Variants in MYRIP observed in about 807,000 individuals in gnomAD.
MYRIP encodes the protein myosin VIIA and Rab interacting protein.
MYRIP carries 49 observed loss-of-function variants against 98.0 expected under a neutral mutation model. The ratio of observed to expected loss-of-function variants is 0.50; its 90% CI spans 0.40 to 0.63. The LOEUF is 0.63. MYRIP is among the 30% of genes least tolerant of loss of function. MYRIP has a pLI of 0.00. For synonymous variants in MYRIP, 404 were observed against 409.5 expected (o/e 0.99, Z 0.16); for missense variants, 1,004 against 1,058.2 (o/e 0.95, Z 0.71).
chr3:40,235,694 A>G (rs1345713546), intron 12 of MYRIP, among the ~76,000 whole-genome samples: 1 of 152,192 alleles, frequency 6.6e-6, no homozygotes, highest in African/African-American at 2.4e-5. Context: ...GCTTTTTCTG[A>G]GGACCCTGAC....
intron 2 of MYRIP, among the ~76,000 whole-genome samples, chr3:39,956,746 A>T (rs1205192792): frequency 5.3e-5 from 8 of 151,652 alleles, no homozygotes; most frequent in Non-Finnish European, 1.2e-4. Flanking sequence ...AGGAGCTTGT[A>T]TTTTGAAAAG....
At chr3:40,198,545 T>G (rs1157495619) in intron 10 of MYRIP, among the ~76,000 whole-genome samples, 1 of 152,210 alleles carries the variant, frequency 6.6e-6, no homozygotes, top group Non-Finnish European at 1.5e-5. Flanking sequence ...GGTTTTCATC[T>G]TTTTCTGTAT....
chr3:40,088,294 C>T (rs1357559579), intron 3 of MYRIP, among the ~76,000 whole-genome samples: 1 of 152,150 alleles, frequency 6.6e-6, no homozygotes, highest in African/African-American at 2.4e-5. Flanking sequence ...GGAACCTGCA[C>T]TCCTTATTTT....
At chr3:39,976,645 C>G (rs578019510) in intron 2 of MYRIP, among the ~76,000 whole-genome samples, 37 of 152,240 alleles carry the variant, frequency 2.4e-4, no homozygotes, top group African/African-American at 8.2e-4. Context: ...GGAACCAACC[C>G]AAATGTCCAA....
chr3:40,001,916 GAA>G (rs1301455962), intron 2 of MYRIP, among the ~76,000 whole-genome samples: 3 of 152,198 alleles, frequency 2.0e-5, no homozygotes, highest in Non-Finnish European at 4.4e-5. Flanking sequence ...GTGGGTGAGA[GAA>G]AGAGAGGAAT....
intron 2 of MYRIP, among the ~76,000 whole-genome samples, chr3:39,959,619 A>C (rs1188918420): frequency 6.6e-6 from 1 of 151,906 alleles, no homozygotes; most frequent in African/African-American, 2.4e-5. Flanking sequence ...ACATGTATAC[A>C]TATGTAACAA....
intron 8 of MYRIP, among the ~76,000 whole-genome samples, chr3:40,181,590 A>G (rs1048617713): frequency 1.3e-5 from 2 of 152,218 alleles, no homozygotes; most frequent in African/African-American, 4.8e-5. Flanking sequence ...ATTAAATGGC[A>G]AAGAAAAACT....
chr3:39,903,481 G>GTGTT (rs2125673413), intron 2 of MYRIP, among the ~76,000 whole-genome samples: 1 of 152,280 alleles, frequency 6.6e-6, no homozygotes, highest in East Asian at 1.9e-4. Flanking sequence ...AGCTTATCCA[G>GTGTT]TGTTTATAAT....
intron 2 of MYRIP, among the ~76,000 whole-genome samples, chr3:39,997,454 G>A (rs532246213): frequency 1.8e-4 from 27 of 152,112 alleles, no homozygotes; most frequent in Middle Eastern, 3.4e-3. Flanking sequence ...TAAATTCCTC[G>A]ACACATACAC....
intron 1 of MYRIP, among the ~76,000 whole-genome samples, chr3:39,884,338 G>A (rs1575341871): frequency 6.6e-6 from 1 of 152,092 alleles, no homozygotes; most frequent in South Asian, 2.1e-4. Flanking sequence ...AAACACAATT[G>A]TGATGGTTAA....
intron 2 of MYRIP, among the ~76,000 whole-genome samples, chr3:39,919,339 G>T (rs961650091): frequency 7.2e-5 from 11 of 152,182 alleles, no homozygotes; most frequent in Non-Finnish European, 1.3e-4. Context: ...AAGGTCCTAG[G>T]TCAGACTGCA....
At chr3:39,855,986 TG>T (rs1317508320) in intron 1 of MYRIP, among the ~76,000 whole-genome samples, 1 of 152,202 alleles carries the variant, frequency 6.6e-6, no homozygotes, top group Non-Finnish European at 1.5e-5. Context: ...AGCTGGAGAC[TG>T]GGAGTGTCTT....
intron 11 of MYRIP, among the ~76,000 whole-genome samples, chr3:40,212,152 ACGTGTATATATATATACATATATATACG>A: frequency 1.1e-4 from 1 of 9,072 alleles, no homozygotes; most frequent in African/African-American, 2.4e-4. Context: ...ACATATATAT[ACGTGTATATATATATACATATATATACG>A]TGTATGTGTA....
chr3:39,845,338 G>A (rs1941930515), intron 1 of MYRIP, among the ~76,000 whole-genome samples: 2 of 152,060 alleles, frequency 1.3e-5, no homozygotes. Context: ...AGCTGGTTTG[G>A]AATTTGGCTT....
At chr3:40,056,595 G>C (rs142347304) in intron 3 of MYRIP, among the ~76,000 whole-genome samples, 408 of 152,290 alleles carry the variant, frequency 2.7e-3, no homozygotes, top group Middle Eastern at 6.8e-3. Flanking sequence ...ACTGCTCTAA[G>C]AGCATTATAA....
At chr3:40,211,657 T>G (rs538892366) in intron 11 of MYRIP, among the ~76,000 whole-genome samples, 1 of 152,282 alleles carries the variant, frequency 6.6e-6, no homozygotes, top group East Asian at 1.9e-4. Flanking sequence ...AGCCAGATGG[T>G]AACTGGAGAA....
At chr3:40,105,700 C>T (rs1158007264) in intron 3 of MYRIP, among the ~76,000 whole-genome samples, 1 of 152,020 alleles carries the variant, frequency 6.6e-6, no homozygotes, top group Non-Finnish European at 1.5e-5. Context: ...CTGAGGAGAC[C>T]TCAGGAAACT....
intron 1 of MYRIP, among the ~76,000 whole-genome samples, chr3:39,822,468 A>ATT (rs143127204): frequency 1.3e-5 from 2 of 149,272 alleles, no homozygotes; most frequent in African/African-American, 4.9e-5. Flanking sequence ...TTTTTTTGCG[A>ATT]TTTTTTTTTT....
intron 2 of MYRIP, among the ~76,000 whole-genome samples, chr3:39,954,646 C>G (rs76683166): frequency 6.6e-6 from 1 of 152,104 alleles, no homozygotes; most frequent in African/African-American, 2.4e-5. Context: ...TTGCCAGCAA[C>G]GGAGCAAAGC....
Sources: allele counts gnomAD v4.1 joint callset (sites outside exome capture counted in the v4.1 genomes callset), GRCh38; gene constraint gnomAD v4.1.1; transcripts MANE v1.5; gene names NCBI Gene and HGNC (gene_info 2026-07-23, HGNC 2026-07-21).